AOX1: variants seen among roughly 807,000 people sequenced by gnomAD.
AOX1 encodes aldehyde oxidase 1.
Under a neutral mutation model 169.5 loss-of-function variants are expected in AOX1, and 153 were observed. That is an observed-to-expected ratio of 0.90 (90% CI 0.79 to 1.03). AOX1 has a LOEUF of 1.03. AOX1 is among the 50% of genes least tolerant of loss of function. The pLI is 0.00. For missense variants in AOX1, 1,656 were observed against 1,663.9 expected (o/e 1.00, Z 0.08); for synonymous variants, 562 against 581.9 (o/e 0.97, Z 0.49).
At chr2:200,645,905 AGTTGTAATATCTCCT>A (rs1229155066) in intron 25 of AOX1, among the ~76,000 whole-genome samples, 1 of 152,156 alleles carries the variant, frequency 6.6e-6, no homozygotes, top group East Asian at 1.9e-4. Context: ...CAGTGTTGTC[AGTTGTAATATCTCCT>A]GTTTCGTTTC....
intron 29 of AOX1, among the ~76,000 whole-genome samples, 161 bp from the exon 30 acceptor site, chr2:200,661,418 C>A (rs1676790960): frequency 6.6e-6 from 1 of 152,198 alleles, no homozygotes; most frequent in Non-Finnish European, 1.5e-5. Flanking sequence ...AAGCCGTGAA[C>A]CACAGAGGAG....
At chr2:200,674,860 C>T (rs545291531), downstream of AOX1, among the ~76,000 whole-genome samples, 6 of 152,298 alleles carry the variant, frequency 3.9e-5, no homozygotes, top group South Asian at 2.1e-4. Context: ...TTCACTTTAA[C>T]GTTTTCTGGG....
downstream of AOX1, among the ~76,000 whole-genome samples, chr2:200,676,146 TG>T (rs2036094847): frequency 1.3e-5 from 2 of 152,152 alleles, no homozygotes; most frequent in South Asian, 2.1e-4. Flanking sequence ...TATACTTTTA[TG>T]TTTTTTTAAA....
chr2:200,663,119 C>A, intron 31 of AOX1, 150 bp downstream of exon 31: 1 of 620,310 alleles, frequency 1.6e-6, no homozygotes, highest in Non-Finnish European at 2.9e-6. Flanking sequence ...AAAATAGAAT[C>A]CCCACAATTG....
In AOX1 at chr2:200,655,548, C is replaced by T. The variant is rs78054346; in HGVS notation, c.3076-1294C>T. ...CCTTCCTCAAGAGTCTAAGTTTCTCCTTTGGACTGTGGACATATGTGCCTG... is the reference window on the plus strand; with the variant it reads ...CCTTCCTCAAGAGTCTAAGTTTCTCTTTTGGACTGTGGACATATGTGCCTG... On this transcript the variant is annotated intron_variant, in intron 26 of 34. Coordinates refer to ENST00000374700, the MANE Select transcript of AOX1 (RefSeq NM_001159.4). Among the ~76,000 whole-genome samples the T allele has an allele frequency of 7.2e-4, 109 of 152,292 alleles. No homozygotes were observed. In the East Asian group the frequency reaches 0.021, roughly 29 times the overall value.
intron 1 of AOX1, among the ~76,000 whole-genome samples, chr2:200,586,863 GCCCCCTGGGCATCCTTTAAAACAC>G (rs1276467188): frequency 6.6e-6 from 1 of 152,120 alleles, no homozygotes; most frequent in East Asian, 1.9e-4. Context: ...GAGAAGCAAA[GCCCCCTGGGCATCCTTTAAAACAC>G]CCCCCTTAAT....
chr2:200,611,525 G>A (rs775950293), intron 13 of AOX1, 32 bp downstream of exon 13: 1 of 1,373,280 alleles, frequency 7.3e-7, no homozygotes, highest in African/African-American at 1.4e-5. Context: ...TTTCCCAGTT[G>A]CACCTGTGAT....
chr2:200,635,018 G>C (rs958643894), intron 21 of AOX1, 103 bp downstream of exon 21: 16 of 1,442,644 alleles, frequency 1.1e-5, no homozygotes, highest in African/African-American at 2.8e-5. Context: ...AATTTGAGGT[G>C]GGGGGATTGC....
chr2:200,642,965 C>T (rs189863274), intron 25 of AOX1, among the ~76,000 whole-genome samples, 164 bp downstream of exon 25: 9 of 152,260 alleles, frequency 5.9e-5, no homozygotes, highest in African/African-American at 9.6e-5. Context: ...CAAAGTTCAG[C>T]AATACTCACC....
chr2:200,602,349 A>G lies in AOX1; in HGVS notation c.498+4A>G. 6.2e-7 allele frequency: 1 copy of G among 1,613,052 alleles called. No individual in the cohort carries two copies. Among genetic ancestry groups the G allele is most frequent in the Non-Finnish European group, 8.5e-7 (1 of 1,179,248 alleles). On this transcript the variant is annotated splice_donor_region_variant and intron_variant, in intron 6 of 34. Coordinates refer to ENST00000374700, the MANE Select transcript of AOX1 (RefSeq NM_001159.4). Reference sequence around the variant, plus strand: ...TGCATGCAAGACTTTCTGTAAAGTAAGTGGAAAGGACCACATGTTTGAGTA... The same window carrying G: ...TGCATGCAAGACTTTCTGTAAAGTAGGTGGAAAGGACCACATGTTTGAGTA...
At chr2:200,627,570 C>G in intron 20 of AOX1, 121 bp downstream of exon 20, 1 of 675,826 alleles carries the variant, frequency 1.5e-6, no homozygotes, top group South Asian at 1.8e-5. Flanking sequence ...CAGGAACAGG[C>G]AGAACAGGCA....
In AOX1 at chr2:200,599,686, T is replaced by C. The variant is rs757511529; in HGVS notation, c.376T>C (p.Tyr126His). 3.1e-6 allele frequency: 5 copies of C among 1,613,438 alleles called. No individual in the cohort carries two copies. The highest frequency in any genetic ancestry group is 1.1e-5 in the South Asian group (1 of 91,034). The change falls in exon 5 of 35, where the codon TAC (tyrosine) becomes CAC (histidine). Residue 126 changes from tyrosine to histidine, a missense_variant. Physicochemically the swap from Tyr to His is moderately conservative, Grantham distance 83 (BLOSUM62 2). Coordinates refer to ENST00000374700, the MANE Select transcript of AOX1 (RefSeq NM_001159.4). ...FCTPGMVMSIYTLLRNHPEPT... is the reference protein window; with the variant it reads ...FCTPGMVMSIHTLLRNHPEPT... ...CACACCTGGGATGGTGATGTCCATC[T>C]ACACGCTGCTCAGGAACCACCCAGA...
At chr2:200,594,645 C>T (rs2034242136) in intron 2 of AOX1, among the ~76,000 whole-genome samples, 1 of 152,194 alleles carries the variant, frequency 6.6e-6, no homozygotes, top group Non-Finnish European at 1.5e-5. Flanking sequence ...TCCTGGAAGT[C>T]ATACACAACA....
chr2:200,627,885 C>G (rs2035039316), intron 20 of AOX1, among the ~76,000 whole-genome samples: 1 of 152,086 alleles, frequency 6.6e-6, no homozygotes, highest in Non-Finnish European at 1.5e-5. Context: ...ATTTCCAAAG[C>G]CCATGTTTCT....
chr2:200,603,420 T>G, intron 7 of AOX1, 64 bp downstream of exon 7: 1 of 1,323,320 alleles, frequency 7.6e-7, no homozygotes, highest in Non-Finnish European at 1.1e-6. Flanking sequence ...AACATACTCT[T>G]AGGAAGAACA....
chr2:200,589,500 C>T (rs1336659450), intron 1 of AOX1, among the ~76,000 whole-genome samples: 1 of 152,138 alleles, frequency 6.6e-6, no homozygotes, highest in Non-Finnish European at 1.5e-5. Context: ...TCTGGGGCCT[C>T]GGGCAAGGTA....
chr2:200,670,171 C>T (rs1398747058), intron 34 of AOX1, among the ~76,000 whole-genome samples: 3 of 152,124 alleles, frequency 2.0e-5, no homozygotes, highest in African/African-American at 7.2e-5. Flanking sequence ...GCAGGAACCC[C>T]TCCCCTCTGG....
intron 20 of AOX1, 113 bp downstream of exon 20, chr2:200,627,562 G>C: frequency 1.4e-6 from 1 of 728,360 alleles, no homozygotes; most frequent in Non-Finnish European, 2.3e-6. Flanking sequence ...TTGCTCCTCA[G>C]GAACAGGCAG....
intron 20 of AOX1, among the ~76,000 whole-genome samples, chr2:200,631,992 G>A (rs1373589163): frequency 6.6e-6 from 1 of 151,920 alleles, no homozygotes; most frequent in Non-Finnish European, 1.5e-5. Flanking sequence ...TCAGATTTTC[G>A]ATAAGATAGG....
Sources: gnomAD v4.1 joint callset for allele counts (sites outside exome capture counted in the v4.1 genomes callset) on GRCh38, gnomAD v4.1.1 for gene constraint, MANE v1.5 for transcripts, NCBI Gene and HGNC (gene_info 2026-07-23, HGNC 2026-07-21) for gene names.